Variants in SENP7 observed in about 807,000 individuals in gnomAD.
SENP7 encodes sentrin-specific protease 7.
Under a neutral mutation model 141.2 loss-of-function variants are expected in SENP7, and 64 were observed. The ratio of observed to expected loss-of-function variants is 0.45; its 90% CI spans 0.37 to 0.56. The LOEUF is 0.56. Ranked by LOEUF, SENP7 falls within the 20% of genes least tolerant of loss-of-function variation. The pLI is 0.00. For missense variants in SENP7, 1,025 were observed against 1,212.2 expected, an observed-to-expected ratio of 0.85 and a Z score of 2.29; for synonymous variants, 382 against 426.4, an observed-to-expected ratio of 0.90 and a Z score of 1.28.
intron 9 of SENP7, among the ~76,000 whole-genome samples, chr3:101,365,858 C>A (rs1290365794): frequency 1.3e-5 from 2 of 152,052 alleles, no homozygotes; most frequent in African/African-American, 4.8e-5. Flanking sequence ...ATGGATAAAG[C>A]CATGAGGAGG....
intron 4 of SENP7, among the ~76,000 whole-genome samples, chr3:101,440,149 A>G: frequency 1.8e-4 from 2 of 11,390 alleles, no homozygotes; most frequent in African/African-American, 2.7e-4. Context: ...GGTGGGGAAA[A>G]GATTGAGAAA....
chr3:101,345,209 A>G (rs2107221487), intron 13 of SENP7, among the ~76,000 whole-genome samples: 1 of 140,878 alleles, frequency 7.1e-6, no homozygotes, highest in Middle Eastern at 3.6e-3. Context: ...TTTTGGTTCC[A>G]TATGAATTTT....
chr3:101,458,907 AAC>A, intron 4 of SENP7, 46 bp downstream of exon 4: 3 of 1,108,928 alleles, frequency 2.7e-6, no homozygotes, highest in Non-Finnish European at 4.0e-6. Context: ...ATTTATGGTC[AAC>A]TTTATAGGTT....
At chr3:101,416,034 G>T (rs1468565022) in intron 5 of SENP7, among the ~76,000 whole-genome samples, 2 of 151,902 alleles carry the variant, frequency 1.3e-5, no homozygotes, top group African/African-American at 2.4e-5. Flanking sequence ...GTTCTAATTT[G>T]TAAGTAGTGT....
intron 11 of SENP7, among the ~76,000 whole-genome samples, chr3:101,359,764 C>T (rs745630699): frequency 1.6e-4 from 25 of 152,088 alleles, no homozygotes; most frequent in South Asian, 4.1e-4. Context: ...GAATATGCAA[C>T]GATATATACT....
intron 3 of SENP7, among the ~76,000 whole-genome samples, chr3:101,491,645 T>C (rs1433012095): frequency 6.6e-6 from 1 of 152,216 alleles, no homozygotes; most frequent in Non-Finnish European, 1.5e-5. Flanking sequence ...TCACCTGGTC[T>C]CCTTTATTGT....
chr3:101,368,582 G>A (rs1041915301), intron 7 of SENP7, among the ~76,000 whole-genome samples: 2 of 119,132 alleles, frequency 1.7e-5, no homozygotes, highest in Admixed American at 1.9e-4. Flanking sequence ...TTGTAGGGTG[G>A]GGGGTGGGGG....
At chr3:101,344,991 CAAAAAAAAAAAAAAA>C (rs71132568) in intron 13 of SENP7, among the ~76,000 whole-genome samples, 2 of 61,342 alleles carry the variant, frequency 3.3e-5, no homozygotes, top group African/African-American at 1.3e-4. Context: ...AAAAAGAAAG[CAAAAAAAAAAAAAAA>C]AAAAAAAAAA....
At chr3:101,422,290 T>C (rs1472388487) in intron 4 of SENP7, among the ~76,000 whole-genome samples, 1 of 152,134 alleles carries the variant, frequency 6.6e-6, no homozygotes, top group Non-Finnish European at 1.5e-5. Flanking sequence ...TTGGCTTCCA[T>C]GAAACCAGTC....
chr3:101,360,098 A>G (rs1016638880), intron 11 of SENP7, among the ~76,000 whole-genome samples: 6 of 152,212 alleles, frequency 3.9e-5, no homozygotes, highest in African/African-American at 1.2e-4. Context: ...GAAAATCCTG[A>G]AAAATGAATA....
At chr3:101,452,544 C>T (rs752992581) in intron 4 of SENP7, among the ~76,000 whole-genome samples, 1 of 152,070 alleles carries the variant, frequency 6.6e-6, no homozygotes, top group Non-Finnish European at 1.5e-5. Flanking sequence ...AGAACAGAGC[C>T]CTCACAAATA....
intron 6 of SENP7, among the ~76,000 whole-genome samples, chr3:101,392,886 AG>A (rs1220902858): frequency 6.6e-6 from 1 of 152,226 alleles, no homozygotes; most frequent in Non-Finnish European, 1.5e-5. Context: ...CAGGAGGCTG[AG>A]GAGGGAAGAT....
intron 6 of SENP7, among the ~76,000 whole-genome samples, chr3:101,379,131 G>A (rs533423847): frequency 4.6e-5 from 7 of 152,218 alleles, no homozygotes; most frequent in African/African-American, 1.4e-4. Flanking sequence ...CATTCAATGA[G>A]GAAAGGGCAG....
intron 3 of SENP7, among the ~76,000 whole-genome samples, chr3:101,468,594 T>C (rs2063853545): frequency 6.6e-6 from 1 of 152,186 alleles, no homozygotes; most frequent in African/African-American, 2.4e-5. Context: ...CAGAATTTAA[T>C]ATCCAGCCAA....
chr3:101,449,221 T>A (rs1415644977), intron 4 of SENP7, among the ~76,000 whole-genome samples: 2 of 152,010 alleles, frequency 1.3e-5, no homozygotes, highest in Non-Finnish European at 2.9e-5. Context: ...TGGGACTATG[T>A]GAAAAGACCA....
chr3:101,400,814 G>A (rs1384834564), intron 5 of SENP7, among the ~76,000 whole-genome samples: 2 of 152,094 alleles, frequency 1.3e-5, no homozygotes, highest in Non-Finnish European at 2.9e-5. Context: ...GCTAGAAATG[G>A]CTGGGTGTGG....
chr3:101,512,387 T>G (rs1349497357), intron 1 of SENP7, among the ~76,000 whole-genome samples: 1 of 152,190 alleles, frequency 6.6e-6, no homozygotes, highest in Non-Finnish European at 1.5e-5. Flanking sequence ...TTCCAAGACG[T>G]TGTACACAAA....
intron 10 of SENP7, chr3:101,363,030 A>G (rs2059942582): frequency 3.5e-5 from 7 of 197,422 alleles, no homozygotes; most frequent in Non-Finnish European, 6.4e-5. Flanking sequence ...TATTATGCAT[A>G]TGTACTCACT....
chr3:101,376,721 A>C (rs897305375), intron 6 of SENP7, among the ~76,000 whole-genome samples: 1 of 152,324 alleles, frequency 6.6e-6, no homozygotes, highest in South Asian at 2.1e-4. Context: ...CCAACATGGC[A>C]CATGTATACA....
Sources: allele counts gnomAD v4.1 joint callset (sites outside exome capture counted in the v4.1 genomes callset), GRCh38; gene constraint gnomAD v4.1.1; transcripts MANE v1.5; gene names NCBI Gene and HGNC (gene_info 2026-07-23, HGNC 2026-07-21).